FAF1: variants seen among roughly 807,000 people sequenced by gnomAD.
FAF1 encodes FAS-associated factor 1.
Under a neutral mutation model 92.5 loss-of-function variants are expected in FAF1, and 25 were observed. The ratio of observed to expected loss-of-function variants is 0.27; its 90% confidence interval spans 0.20 to 0.38. The LOEUF is 0.38. FAF1 is among the 10% of genes least tolerant of loss of function. The pLI is 1.00. For synonymous variants in FAF1, 234 were observed against 273.2 expected (o/e 0.86, Z 1.42); for missense variants, 636 against 793.3 (o/e 0.80, Z 2.38).
At chr1:50,495,867 A>G (rs1338511793) in intron 15 of FAF1, among the ~76,000 whole-genome samples, 2 of 152,206 alleles carry the variant, frequency 1.3e-5, no homozygotes, top group Non-Finnish European at 2.9e-5. Flanking sequence ...ATTTAAACAC[A>G]GTCATTCTCA....
chr1:50,492,218 T>C (rs1646847944), intron 15 of FAF1, among the ~76,000 whole-genome samples: 1 of 152,180 alleles, frequency 6.6e-6, no homozygotes, highest in South Asian at 2.1e-4. Flanking sequence ...TGAGATAAAC[T>C]TGGAGACTGT....
In FAF1 at chr1:50,928,719, G is replaced by T. The variant is rs564718731; in HGVS notation, c.45+31048C>A. Among the ~76,000 whole-genome samples, 32 of 145,466 alleles carry T rather than the reference G, an allele frequency of 2.2e-4. No homozygotes were observed. In the Middle Eastern group the frequency reaches 0.015, roughly 67 times the overall value. On this transcript the variant is annotated intron_variant, in intron 1 of 18. Coordinates refer to ENST00000396153, the MANE Select transcript of FAF1 (RefSeq NM_007051.3). ...AATCGCTTGAACCTGGGAGGTGGAG[G>T]TTGCACTGAACCGAAATCACGCCAT...
chr1:50,775,012 G>C (rs894581670), intron 4 of FAF1, among the ~76,000 whole-genome samples: 1 of 152,050 alleles, frequency 6.6e-6, no homozygotes, highest in African/African-American at 2.4e-5. Context: ...TTCAAACCTT[G>C]TTGCATCTTC....
At chr1:50,557,863 C>T (rs891814114) in intron 13 of FAF1, among the ~76,000 whole-genome samples, 1 of 152,018 alleles carries the variant, frequency 6.6e-6, no homozygotes, top group East Asian at 1.9e-4. Context: ...AAGCAAAATA[C>T]ACGATGGCAT....
intron 9 of FAF1, among the ~76,000 whole-genome samples, chr1:50,594,038 C>G (rs550670810): frequency 6.6e-6 from 1 of 152,080 alleles, no homozygotes; most frequent in Non-Finnish European, 1.5e-5. Context: ...TAAGGCCAGG[C>G]GTGGTGGCTC....
intron 1 of FAF1, among the ~76,000 whole-genome samples, chr1:50,886,722 G>T (rs1027748257): frequency 6.6e-6 from 1 of 152,106 alleles, no homozygotes; most frequent in Non-Finnish European, 1.5e-5. Flanking sequence ...CCTTCTTTAT[G>T]GCTGCATAGT....
chr1:50,672,288 G>A (rs868544320), intron 7 of FAF1, among the ~76,000 whole-genome samples: 30 of 152,150 alleles, frequency 2.0e-4, no homozygotes, highest in Admixed American at 9.8e-4. Context: ...TGATCCACCC[G>A]CCTCAGCTTC....
chr1:50,592,675 C>T (rs571168484), intron 9 of FAF1, among the ~76,000 whole-genome samples: 4 of 152,220 alleles, frequency 2.6e-5, no homozygotes, highest in African/African-American at 7.2e-5. Context: ...TGGCTGGGCA[C>T]GGTGACTCAC....
At chr1:50,720,181 T>C (rs978647337) in intron 6 of FAF1, among the ~76,000 whole-genome samples, 2 of 152,124 alleles carry the variant, frequency 1.3e-5, no homozygotes, top group Non-Finnish European at 2.9e-5. Flanking sequence ...TTTGTATTTT[T>C]AGTAGAGACG....
At chr1:50,655,962 G>C (rs1340599635) in intron 7 of FAF1, among the ~76,000 whole-genome samples, 1 of 152,108 alleles carries the variant, frequency 6.6e-6, no homozygotes, top group African/African-American at 2.4e-5. Flanking sequence ...GAAGGGCAAG[G>C]GGGGCAGGGG....
chr1:50,763,307 G>A (rs983678192), intron 4 of FAF1, among the ~76,000 whole-genome samples: 11 of 151,870 alleles, frequency 7.2e-5, no homozygotes, highest in Non-Finnish European at 5.9e-5. Flanking sequence ...AATATAAAAT[G>A]TATCTTTGTT....
At chr1:50,505,425 TG>T (rs1281981101) in intron 15 of FAF1, among the ~76,000 whole-genome samples, 3 of 152,136 alleles carry the variant, frequency 2.0e-5, no homozygotes, top group Non-Finnish European at 4.4e-5. Flanking sequence ...TAGAGAATTT[TG>T]GGGGTGTGTG....
chr1:50,777,209 C>T (rs898968929), intron 4 of FAF1, among the ~76,000 whole-genome samples: 3 of 151,174 alleles, frequency 2.0e-5, no homozygotes, highest in African/African-American at 7.3e-5. Flanking sequence ...GCCAGGAGTT[C>T]AAGAACAGCC....
At chr1:50,534,683 A>ATT (rs1239718154) in intron 15 of FAF1, among the ~76,000 whole-genome samples, 1 of 152,204 alleles carries the variant, frequency 6.6e-6, no homozygotes, top group African/African-American at 2.4e-5. Flanking sequence ...CATAACACTG[A>ATT]TTGATATACA....
intron 1 of FAF1, among the ~76,000 whole-genome samples, chr1:50,927,661 T>C (rs570516987): frequency 6.6e-6 from 1 of 152,330 alleles, no homozygotes; most frequent in African/African-American, 2.4e-5. Context: ...TGAGGGGTAA[T>C]TGAATGGAAG....
At chr1:50,907,053 C>G (rs1644845060) in intron 1 of FAF1, among the ~76,000 whole-genome samples, 1 of 152,152 alleles carries the variant, frequency 6.6e-6, no homozygotes, top group South Asian at 2.1e-4. Context: ...AGATACGTCC[C>G]ATCAACACCT....
chr1:50,901,289 G>A lies in FAF1; in HGVS notation c.46-43292C>T, dbSNP rs545489901. Among the ~76,000 whole-genome samples, 6 of 152,226 alleles carry A rather than the reference G, an allele frequency of 3.9e-5. No homozygotes were observed. In the South Asian group the frequency reaches 1.2e-3, roughly 32 times the overall value. On this transcript the variant is annotated intron_variant, in intron 1 of 18. Coordinates refer to ENST00000396153, the MANE Select transcript of FAF1 (RefSeq NM_007051.3). ...AAAGACAGAACCCAGGGCCCCTTAA[G>A]GGGATGGGGAAGAAGGGAATAAACA... is the stretch of plus-strand genomic sequence containing the variant.
At chr1:50,769,975 C>T (rs573301213) in intron 4 of FAF1, among the ~76,000 whole-genome samples, 4 of 152,070 alleles carry the variant, frequency 2.6e-5, no homozygotes, top group South Asian at 2.1e-4. Flanking sequence ...CACTTGAACC[C>T]GGGAGGCGGA....
intron 9 of FAF1, among the ~76,000 whole-genome samples, chr1:50,589,954 G>A (rs1369001982): frequency 1.3e-5 from 2 of 152,142 alleles, no homozygotes; most frequent in Non-Finnish European, 2.9e-5. Context: ...CCATTGAATG[G>A]GATTAGTGCC....
Sources: gnomAD v4.1 joint callset for allele counts (sites outside exome capture counted in the v4.1 genomes callset) on GRCh38, gnomAD v4.1.1 for gene constraint, MANE v1.5 for transcripts, NCBI Gene and HGNC (gene_info 2026-07-23, HGNC 2026-07-21) for gene names.